PSMD5: variants seen among roughly 807,000 people sequenced by gnomAD.
The protein encoded by PSMD5 is 26S proteasome non-ATPase regulatory subunit 5.
PSMD5 carries 40 observed loss-of-function variants against 52.1 expected under a neutral mutation model. The ratio of observed to expected loss-of-function variants is 0.77; its 90% CI spans 0.60 to 1.00. The LOEUF (loss-of-function observed/expected upper bound fraction) is 1.00, where lower values mean the gene tolerates loss of function less well. Ranked by LOEUF, PSMD5 falls within the 50% of genes least tolerant of loss-of-function variation. The pLI is 0.00. For synonymous variants in PSMD5, 211 were observed against 226.6 expected (o/e 0.93, Z 0.62); for missense variants, 575 against 605.2 (o/e 0.95, Z 0.52).
chr9:120,842,913 G>GC lies in PSMD5; in HGVS notation c.-5dup, dbSNP rs763373278. 1.9e-6 allele frequency: 3 copies of GC among 1,574,392 alleles called. No homozygotes were observed. Among genetic ancestry groups the GC allele is most frequent in the South Asian group, 1.1e-5 (1 of 88,112 alleles). Reference sequence around the variant, plus strand: ...GCGCCAAAGCCTGGGCTGCCATCTTGCCCCCCGACGCAGGGGCTGGCCCAG... The same window carrying GC: ...GCGCCAAAGCCTGGGCTGCCATCTTGCCCCCCCGACGCAGGGGCTGGCCCAG... On this transcript the variant is annotated 5_prime_UTR_variant, in exon 1 of 10. Coordinates refer to ENST00000210313, the MANE Select transcript of PSMD5 (RefSeq NM_005047.4).
intron 9 of PSMD5, among the ~76,000 whole-genome samples, chr9:120,818,807 A>G (rs992513321): frequency 6.6e-6 from 1 of 152,146 alleles, no homozygotes. Context: ...ACCTAATGGA[A>G]TGATACAAAC....
chr9:120,835,450 C>G (rs1328392525), intron 1 of PSMD5, among the ~76,000 whole-genome samples: 1 of 152,154 alleles, frequency 6.6e-6, no homozygotes, highest in Non-Finnish European at 1.5e-5. Context: ...TTCCGCTAGG[C>G]TCGGTGACTC....
chr9:120,840,792 G>GT (rs927937175), intron 1 of PSMD5, among the ~76,000 whole-genome samples: 8 of 151,818 alleles, frequency 5.3e-5, no homozygotes, highest in Non-Finnish European at 1.2e-4. Context: ...GCTAATTTTT[G>GT]TATTTTTAGT....
chr9:120,824,628 T>TTTTTC lies in PSMD5; in HGVS notation c.871_872insGAAAA (p.Glu291GlyfsTer15). On this transcript the variant is annotated frameshift_variant, in exon 7 of 10. Coordinates refer to ENST00000210313, the MANE Select transcript of PSMD5 (RefSeq NM_005047.4). LOFTEE classifies it high-confidence loss of function. ...TTTTTCCACAAAGATAGGATAACGC[T>TTTTTC]CACAGATCTGTTGAGGACTATCCAT... 6.2e-7 allele frequency: 1 copy of TTTTTC among 1,614,160 alleles called. No homozygotes were observed. Among genetic ancestry groups the TTTTTC allele is most frequent in the Non-Finnish European group, 8.5e-7 (1 of 1,180,028 alleles).
rs192908869 is a variant in PSMD5, at chr9:120,819,026, C to G, written c.1258-863G>C. Among the ~76,000 whole-genome samples, 379 of 152,228 alleles carry G rather than the reference C, an allele frequency of 2.5e-3. 2 individuals carry two copies. Among genetic ancestry groups the G allele is most frequent in the Non-Finnish European group, 1.6e-3 (106 of 68,002 alleles). On this transcript the variant is annotated intron_variant, in intron 9 of 9. Coordinates refer to ENST00000210313, the MANE Select transcript of PSMD5 (RefSeq NM_005047.4). ...AAATATTTCACCAAAAATAAACACACACTAATACAAAAACTAAAAGGAAAT... is the reference window on the plus strand; with the variant it reads ...AAATATTTCACCAAAAATAAACACAGACTAATACAAAAACTAAAAGGAAAT...
At position 120,817,882 on chromosome 9, in the gene PSMD5, C is replaced by T. The variant is rs367991746; in HGVS notation, c.*24G>A. The T allele has an allele frequency of 3.8e-6, 6 of 1,590,484 alleles. No homozygotes were observed. The highest frequency in any genetic ancestry group is 5.2e-6 in the Non-Finnish European group (6 of 1,163,744). On this transcript the variant is annotated 3_prime_UTR_variant, in exon 10 of 10. Transcript: ENST00000210313. ...GGAGAAGTTTTGGTCAAAACGTGGT[C>T]CTCTACATGAGCTCTAGAAGAAATC...
Position 120,820,936 on chromosome 9 carries a change from C to T in PSMD5, c.1160G>A (p.Trp387Ter). The T allele has an allele frequency of 6.2e-7, 1 of 1,605,096 alleles. No homozygotes were observed. ...TGGATCCCGAGATAAAGAAGAAAACCAGGATTCTGTCATCCTCAGAAGGTC... is the reference window on the plus strand; with the variant it reads ...TGGATCCCGAGATAAAGAAGAAAACTAGGATTCTGTCATCCTCAGAAGGTC... The part of the protein sequence containing the change: ...TDDLLRMTES[W>*]FSSLSRDPLE... The change falls in exon 9 of 10, where the codon TGG (tryptophan) becomes TAG (stop). Residue 387 changes from tryptophan to a stop codon, truncating the protein, a stop_gained. Transcript: ENST00000210313. LOFTEE classifies it high-confidence loss of function.
At chr9:120,831,659 T>C (rs1356424351) in intron 3 of PSMD5, 173 bp downstream of exon 3, 4 of 1,125,218 alleles carry the variant, frequency 3.6e-6, no homozygotes, top group Non-Finnish European at 3.7e-6. Context: ...TGAAAGGGGT[T>C]TACTAGTATT....
rs760049034 is a variant in PSMD5, at chr9:120,833,477, CT to C, written c.174-22del. ...TTTCCCTGAAGGAGACATCATAAAT[CT>C]TATTAGTTCATATCCTGCCCAGGTA... On this transcript the variant is annotated intron_variant, in intron 1 of 9. Coordinates refer to ENST00000210313, the MANE Select transcript of PSMD5 (RefSeq NM_005047.4). 1.7e-5 allele frequency: 27 copies of C among 1,606,908 alleles called. No homozygotes were observed. In the African/African-American group the frequency reaches 3.6e-4, roughly 21 times the overall value.
intron 2 of PSMD5, among the ~76,000 whole-genome samples, chr9:120,832,393 CTTTT>C (rs35785525): frequency 1.6e-5 from 2 of 126,900 alleles, no homozygotes; most frequent in Non-Finnish European, 3.3e-5. Flanking sequence ...TTCCCCCAAC[CTTTT>C]TTTTTTTTTT....
intron 7 of PSMD5, among the ~76,000 whole-genome samples, chr9:120,823,552 C>T (rs144959612): frequency 0.015 from 2,262 of 146,520 alleles, 56 homozygotes; most frequent in African/African-American, 0.054. Context: ...CACTCTGTCA[C>T]CCAGGCTGGA....
chr9:120,824,234 G>A, intron 7 of PSMD5: 1 of 489,252 alleles, frequency 2.0e-6, no homozygotes, highest in South Asian at 2.2e-5. Flanking sequence ...AGGGGAAACA[G>A]GAAACAATGT....
At chr9:120,819,605 C>A (rs954024653) in intron 9 of PSMD5, among the ~76,000 whole-genome samples, 1 of 152,170 alleles carries the variant, frequency 6.6e-6, no homozygotes, top group African/African-American at 2.4e-5. Flanking sequence ...GAGGCCGAGG[C>A]GGGCGGATCA....
chr9:120,820,582 A>G (rs2045076635), intron 9 of PSMD5, among the ~76,000 whole-genome samples: 1 of 152,216 alleles, frequency 6.6e-6, no homozygotes, highest in Non-Finnish European at 1.5e-5. Context: ...TTAATAGAGG[A>G]TGGCAGATAA....
chr9:120,840,045 T>A (rs926357463), intron 1 of PSMD5, among the ~76,000 whole-genome samples: 4 of 150,076 alleles, frequency 2.7e-5, no homozygotes, highest in Non-Finnish European at 5.9e-5. Flanking sequence ...GGAGAATTGC[T>A]TCAACCTGGG....
chr9:120,826,090 G>T (rs1452731176), intron 6 of PSMD5, among the ~76,000 whole-genome samples: 1 of 151,524 alleles, frequency 6.6e-6, no homozygotes, highest in Non-Finnish European at 1.5e-5. Context: ...CACCTCCCAG[G>T]TTCAAAGGAT....
intron 1 of PSMD5, among the ~76,000 whole-genome samples, chr9:120,834,351 A>G (rs115490384): frequency 4.3e-4 from 65 of 152,282 alleles, no homozygotes; most frequent in African/African-American, 1.6e-3. Context: ...TGTAATCCAG[A>G]TAAATAAACG....
intron 5 of PSMD5, 76 bp downstream of exon 5, chr9:120,829,023 A>C (rs1310389457): frequency 7.1e-7 from 1 of 1,412,458 alleles, no homozygotes; most frequent in African/African-American, 1.5e-5. Context: ...CTAATAGAGA[A>C]AATCACAGAT....
chr9:120,832,525 T>C (rs13299616), intron 2 of PSMD5, among the ~76,000 whole-genome samples: 76,224 of 151,808 alleles, frequency 0.5, 21,021 homozygotes, highest in South Asian at 0.74. Context: ...GGCTCCTGAG[T>C]AGCTGGGATT....
Sources: allele counts gnomAD v4.1 joint callset (sites outside exome capture counted in the v4.1 genomes callset), GRCh38; gene constraint gnomAD v4.1.1; transcripts MANE v1.5; gene names NCBI Gene and HGNC (gene_info 2026-07-23, HGNC 2026-07-21).